Variants in RGS3 observed in about 807,000 individuals in gnomAD.
RGS3 encodes regulator of G protein signaling 3.
RGS3 carries 80 observed loss-of-function variants against 132.6 expected under a neutral mutation model. The ratio of observed to expected loss-of-function variants is 0.60; its 90% CI spans 0.50 to 0.73. RGS3 has a LOEUF of 0.73. Among genes scored for constraint, RGS3 ranks in the 30% least tolerant of loss-of-function variants. The pLI is 0.00. For synonymous variants in RGS3, 598 were observed against 620.6 expected, an observed-to-expected ratio of 0.96 and a Z score of 0.54; for missense variants, 1,382 against 1,530.8, an observed-to-expected ratio of 0.90 and a Z score of 1.62.
intron 20 of RGS3, among the ~76,000 whole-genome samples, chr9:113,584,920 G>A (rs1290040438): frequency 1.3e-5 from 2 of 152,204 alleles, no homozygotes; most frequent in Non-Finnish European, 2.9e-5. Context: ...AGAGGAAACC[G>A]AGGCAAAGAG....
chr9:113,529,940 T>C (rs1832394519), intron 18 of RGS3, among the ~76,000 whole-genome samples: 1 of 152,220 alleles, frequency 6.6e-6, no homozygotes. Context: ...GGCTGGGGTT[T>C]AACCCAAGAG....
chr9:113,591,468 G>C lies in RGS3; in HGVS notation c.3080+71G>C. On this transcript the variant is annotated intron_variant, in intron 21 of 24. Transcript: ENST00000350696. The surrounding 1 kb of genome is among the most constrained non-coding windows in gnomAD (Gnocchi z 4.4). ...GCCCCAGGGCTTGTCTCTCCTCTAG[G>C]GGTCCAGGTGGGGAGAAGAGGTTGT... 2 of 1,326,324 alleles carry C rather than the reference G, an allele frequency of 1.5e-6. No individual in the cohort carries two copies. The highest frequency in any genetic ancestry group is 2.2e-6 in the Non-Finnish European group (2 of 920,438). The allele number at this position is 1,326,324 out of a possible 1,614,324, so 82.2% of individuals were successfully genotyped here. A position where few individuals can be genotyped will look rare whatever the true frequency, so the allele number is the denominator to read the frequency against.
chr9:113,560,344 AC>A (rs1003580954), intron 19 of RGS3, among the ~76,000 whole-genome samples: 102 of 152,182 alleles, frequency 6.7e-4, no homozygotes, highest in Middle Eastern at 6.8e-3. Context: ...GCTCTGTCTT[AC>A]CCCACCCCAC....
At chr9:113,556,794 G>T (rs1425705768) in intron 19 of RGS3, among the ~76,000 whole-genome samples, 1 of 152,170 alleles carries the variant, frequency 6.6e-6, no homozygotes, top group African/African-American at 2.4e-5. Flanking sequence ...GGCCAGAGAG[G>T]GGCAGGGATT....
chr9:113,508,884 T>C (rs1394055270), intron 14 of RGS3, among the ~76,000 whole-genome samples: 1 of 152,070 alleles, frequency 6.6e-6, no homozygotes, highest in Non-Finnish European at 1.5e-5. Flanking sequence ...GCAACCGATA[T>C]ATATTAGGTG....
rs899655284 is a variant in RGS3 at position 113,460,879 on chromosome 9, A to G, written c.80+543A>G. 2.6e-5 allele frequency among the ~76,000 whole-genome samples: 4 copies of G among 152,206 alleles called. No individual in the cohort carries two copies. The East Asian group carries it at 7.7e-4, about 29-fold the overall frequency. On this transcript the variant is annotated intron_variant, in intron 1 of 24. Transcript: ENST00000350696. Reference sequence around the variant, plus strand: ...AAACTCAAGTATTCCTTATTATTCCAGATATAGTCAGTCTTTAAAAAAATG... The same window carrying G: ...AAACTCAAGTATTCCTTATTATTCCGGATATAGTCAGTCTTTAAAAAAATG...
chr9:113,586,051 A>G (rs1239804969), intron 20 of RGS3, among the ~76,000 whole-genome samples: 7 of 152,224 alleles, frequency 4.6e-5, no homozygotes, highest in African/African-American at 1.7e-4. Flanking sequence ...TGGAATCAGA[A>G]TCTCTAGGGG....
intron 7 of RGS3, 132 bp from the exon 6 acceptor site, chr9:113,495,654 C>T: frequency 1.3e-6 from 1 of 751,550 alleles, no homozygotes; most frequent in Non-Finnish European, 2.4e-6. Context: ...TCAGAAGGAT[C>T]AAACGAGATG....
upstream of RGS3, chr9:113,460,130 T>A: frequency 1.3e-6 from 1 of 792,404 alleles, no homozygotes. Flanking sequence ...TTGCCAGAGG[T>A]CTATTTTACT....
chr9:113,482,957 CTT>C, intron 4 of RGS3, 100 bp from the exon 3 acceptor site: 4 of 1,594,258 alleles, frequency 2.5e-6, no homozygotes, highest in Non-Finnish European at 2.6e-6. Context: ...TTTCAGGTCT[CTT>C]TATTCGTGTG....
In RGS3 at chr9:113,579,771, T is replaced by C. The variant is rs1260416677; in HGVS notation, c.2038-3679T>C. ...GTGTCTGACTTGTTCCCTGCCGTCC[T>C]CCTAGTACCTACCTCAGTGCTTGGA... is the stretch of plus-strand genomic sequence containing the variant. On this transcript the variant is annotated intron_variant, in intron 19 of 24. Transcript: ENST00000350696. This position sits in a 1 kb window ranked among gnomAD's most constrained non-coding sequence, Gnocchi z 4.3. Among the ~76,000 whole-genome samples, 1 of 152,200 alleles carries C rather than the reference T, an allele frequency of 6.6e-6. No homozygotes were observed. Among genetic ancestry groups the C allele is most frequent in the Non-Finnish European group, 1.5e-5 (1 of 68,032 alleles).
intron 15 of RGS3, among the ~76,000 whole-genome samples, chr9:113,516,560 T>C (rs2119377592): frequency 6.6e-6 from 1 of 152,188 alleles, no homozygotes; most frequent in African/African-American, 2.4e-5. Flanking sequence ...GGTTTTACCA[T>C]GTTGGCCAGG....
At chr9:113,485,094 A>ATT (rs5900053) in intron 6 of RGS3, among the ~76,000 whole-genome samples, 2,201 of 149,710 alleles carry the variant, frequency 0.015, 60 homozygotes, top group African/African-American at 0.05. Context: ...CAAAAATGGA[A>ATT]TTTTTTTTTT....
intron 16 of RGS3, among the ~76,000 whole-genome samples, chr9:113,519,958 C>A (rs1831859042): frequency 6.6e-6 from 1 of 152,168 alleles, no homozygotes; most frequent in Non-Finnish European, 1.5e-5. Flanking sequence ...ACACACCCTC[C>A]CTTTACACAC....
chr9:113,596,871 A>G lies in RGS3; in HGVS notation c.3515A>G (p.Glu1172Gly), dbSNP rs755151215. The change falls in exon 25 of 25, where the codon GAA becomes GGA. Residue 1172 changes from glutamate to glycine, a missense_variant. Physicochemically the swap from Glu to Gly is moderately conservative, Grantham distance 98. Coordinates refer to ENST00000350696, the Ensembl canonical transcript of RGS3. ...CAGAAGCGCATCTTCGGGCTCATGG[A>G]AAAGGACTCGTACCCTCGCTTTCTC... The G allele has an allele frequency of 2.5e-6, 4 of 1,613,784 alleles. No individual in the cohort carries two copies. In the South Asian group the frequency reaches 4.4e-5, roughly 18 times the overall value.
intron 19 of RGS3, chr9:113,570,061 A>G (rs1349004045): frequency 1.3e-5 from 2 of 152,202 alleles, no homozygotes; most frequent in Non-Finnish European, 2.9e-5. Context: ...ACTTGAGGGA[A>G]GGATCTCTCC....
chr9:113,488,208 A>T (rs969214759), intron 7 of RGS3, among the ~76,000 whole-genome samples: 1 of 152,042 alleles, frequency 6.6e-6, no homozygotes, highest in African/African-American at 2.4e-5. Flanking sequence ...GTCAAGGGTA[A>T]CTCCTGGGCG....
intron 3 of RGS3, among the ~76,000 whole-genome samples, chr9:113,471,332 A>T (rs1829823526): frequency 6.6e-6 from 1 of 151,940 alleles, no homozygotes; most frequent in South Asian, 2.1e-4. Context: ...TTGATCTCTC[A>T]ATCAGCCCTC....
At chr9:113,526,089 A>G (rs565580107) in intron 17 of RGS3, among the ~76,000 whole-genome samples, 1 of 152,224 alleles carries the variant, frequency 6.6e-6, no homozygotes, top group Admixed American at 6.5e-5. Context: ...GCTGCCCGCT[A>G]GCTTTGCTAC....
Sources: gnomAD v4.1 joint callset for allele counts (sites outside exome capture counted in the v4.1 genomes callset) on GRCh38, gnomAD v4.1.1 for gene constraint, Gnocchi (gnomAD v3.1) non-coding constraint, MANE v1.5 for transcripts, NCBI Gene and HGNC (gene_info 2026-07-23, HGNC 2026-07-21) for gene names.